Variants in ABCA13 observed in about 807,000 individuals in gnomAD.
ABCA13 encodes the protein ATP binding cassette subfamily A member 13.
In ABCA13, 476 loss-of-function variants were observed where a neutral mutation model predicts 478.7. The ratio of observed to expected loss-of-function variants is 0.99; its 90% CI spans 0.92 to 1.07. ABCA13 has a LOEUF of 1.07. Among genes scored for constraint, ABCA13 ranks in the 50% least tolerant of loss-of-function variants. ABCA13 has a pLI of 0.00. For synonymous variants in ABCA13, 2,252 were observed against 2,158.9 expected, an observed-to-expected ratio of 1.04 and a Z score of -1.20; for missense variants, 6,060 against 5,910.6, an observed-to-expected ratio of 1.03 and a Z score of -0.83.
chr7:48,383,149 T>A (rs969164178), intron 35 of ABCA13, among the ~76,000 whole-genome samples: 2 of 152,176 alleles, frequency 1.3e-5, no homozygotes, highest in African/African-American at 4.8e-5. Flanking sequence ...CAGGAAGGTG[T>A]CATTTCCCAA....
intron 13 of ABCA13, among the ~76,000 whole-genome samples, chr7:48,246,373 A>T (rs567508380): frequency 8.5e-5 from 13 of 152,312 alleles, no homozygotes; most frequent in South Asian, 6.2e-4. Flanking sequence ...AGTCAATCCC[A>T]GCAAAACTGT....
chr7:48,243,523 G>T (rs111313093), intron 10 of ABCA13, among the ~76,000 whole-genome samples: 2 of 152,204 alleles, frequency 1.3e-5, no homozygotes, highest in African/African-American at 4.8e-5. Context: ...CAATTGCTCC[G>T]CCTTGTAGGG....
chr7:48,587,275 A>T lies in ABCA13; in HGVS notation c.14627A>T (p.Asp4876Val). The change falls in exon 57 of 62, where the codon GAC (aspartate) becomes GTC (valine). Residue 4876 changes from aspartate to valine, a missense_variant. Transcript: ENST00000435803. ...STALALVGKP[D>V]ILLLDEPSSG... ...GCCCTGGCCCTGGTGGGGAAACCTG[A>T]CATTCTTTTATTGGTGAGTAGAAGA... 6.2e-7 allele frequency: 1 copy of T among 1,607,072 alleles called. No individual in the cohort carries two copies. Among genetic ancestry groups the T allele is most frequent in the South Asian group, 1.1e-5 (1 of 89,700 alleles).
At chr7:48,302,546 G>T (rs2163937) in intron 23 of ABCA13, among the ~76,000 whole-genome samples, 113,368 of 151,992 alleles carry the variant, frequency 0.75, 43,060 homozygotes, top group East Asian at 0.99. Flanking sequence ...CCTCTTTGTA[G>T]CCATGTGTTC....
At chr7:48,570,341 T>TTTG (rs1787500260) in intron 55 of ABCA13, among the ~76,000 whole-genome samples, 1 of 145,020 alleles carries the variant, frequency 6.9e-6, no homozygotes, top group South Asian at 2.2e-4. Flanking sequence ...TTTTTTTTTT[T>TTTG]TGAGATGGAG....
intron 59 of ABCA13, among the ~76,000 whole-genome samples, chr7:48,615,591 G>A (rs1463938017): frequency 7.5e-5 from 9 of 119,224 alleles, no homozygotes. Flanking sequence ...CTGTAAGGGA[G>A]ACATTTTGCT....
Position 48,486,336 on chromosome 7 carries a change from A to G in ABCA13, c.13183-2900A>G, listed in dbSNP as rs146721978. ...GGCCATGTCTTTCAACATTCTCTCA[A>G]GAGAGCTCCGTACCCAGGTCAAGAT... On this transcript the variant is annotated intron_variant, in intron 47 of 61. Coordinates refer to ENST00000435803, the MANE Select transcript of ABCA13 (RefSeq NM_152701.5). Among the ~76,000 whole-genome samples, 24 of 152,334 alleles carry G rather than the reference A, an allele frequency of 1.6e-4. No individual in the cohort carries two copies. In the East Asian group the frequency reaches 3.7e-3, roughly 23 times the overall value.
intron 47 of ABCA13, among the ~76,000 whole-genome samples, chr7:48,488,464 C>T (rs1829545232): frequency 6.6e-6 from 1 of 152,066 alleles, no homozygotes; most frequent in South Asian, 2.1e-4. Flanking sequence ...TCCCCCAAGC[C>T]TTAACTTGCT....
At chr7:48,464,146 T>A (rs1223753028) in intron 43 of ABCA13, among the ~76,000 whole-genome samples, 1 of 152,220 alleles carries the variant, frequency 6.6e-6, no homozygotes. Flanking sequence ...TAAGGACAGA[T>A]GTCAAATGTT....
intron 59 of ABCA13, among the ~76,000 whole-genome samples, chr7:48,637,678 T>C (rs1794784017): frequency 6.6e-6 from 1 of 152,154 alleles, no homozygotes; most frequent in South Asian, 2.1e-4. Context: ...GTGACAATGA[T>C]ATAATGCTGG....
chr7:48,558,199 C>T (rs1476213862), intron 55 of ABCA13, among the ~76,000 whole-genome samples: 7 of 135,586 alleles, frequency 5.2e-5, no homozygotes, highest in Admixed American at 2.3e-4. Context: ...TCCTTCCTCT[C>T]TCTCTCCCTT....
rs771097046 is a variant in ABCA13, at chr7:48,489,393, G to A, written c.13291+49G>A. 5 of 1,429,438 alleles carry A rather than the reference G, an allele frequency of 3.5e-6. No homozygotes were observed. In the African/African-American group the frequency reaches 5.7e-5, roughly 16 times the overall value. 88.5% of individuals were successfully genotyped at this position (1,429,438 alleles called of 1,614,324 possible). A position where few individuals can be genotyped will look rare whatever the true frequency, so the allele number is the denominator to read the frequency against. On this transcript the variant is annotated intron_variant, in intron 48 of 61. Transcript: ENST00000435803. ...TAATTCACTACTTTCAAAAGACAATGTTTTTAAAAGTGAAAGAAACAGAAA... is the reference window on the plus strand; with the variant it reads ...TAATTCACTACTTTCAAAAGACAATATTTTTAAAAGTGAAAGAAACAGAAA...
chr7:48,408,914 A>C (rs1461703866), intron 39 of ABCA13, among the ~76,000 whole-genome samples: 3 of 152,108 alleles, frequency 2.0e-5, no homozygotes, highest in Non-Finnish European at 4.4e-5. Flanking sequence ...CTCATCACTT[A>C]ACTCCCACTT....
In ABCA13 at chr7:48,278,278, A is replaced by C. The variant is rs533183743; in HGVS notation, c.7084A>C (p.Met2362Leu). 1.2e-6 allele frequency: 2 copies of C among 1,612,538 alleles called. No individual in the cohort carries two copies. Among genetic ancestry groups the C allele is most frequent in the East Asian group, 2.2e-5 (1 of 44,814 alleles). Residue 2362 changes from methionine (M) to leucine (L), a missense_variant, in exon 18 of 62, where the codon ATG (methionine) becomes CTG (leucine). Physicochemically the swap from Met to Leu is conservative, Grantham distance 15. Coordinates refer to ENST00000435803, the MANE Select transcript of ABCA13 (RefSeq NM_152701.5). ...YFDTHQGLKF[M>L]QDLFNALLRE... is the part of the protein sequence containing the mutation. ...TGATACTCATCAAGGACTGAAGTTC[A>C]TGCAAGATTTATTTAATGCCCTTCT...
intron 1 of ABCA13, among the ~76,000 whole-genome samples, chr7:48,185,343 G>A (rs967314629): frequency 5.3e-5 from 8 of 152,180 alleles, no homozygotes; most frequent in African/African-American, 1.9e-4. Context: ...GAAAGGACAA[G>A]TTATTTCAAC....
intron 8 of ABCA13, among the ~76,000 whole-genome samples, chr7:48,234,980 G>A (rs1789728915): frequency 6.6e-6 from 1 of 152,148 alleles, no homozygotes; most frequent in South Asian, 2.1e-4. Flanking sequence ...TTCCCAGATA[G>A]CACTTTTCAC....
intron 55 of ABCA13, among the ~76,000 whole-genome samples, chr7:48,560,700 A>G (rs1786366335): frequency 6.6e-6 from 1 of 152,236 alleles, no homozygotes; most frequent in Non-Finnish European, 1.5e-5. Context: ...CTTTTGTGTG[A>G]TAAGCATATT....
chr7:48,396,347 A>G (rs1021004135), intron 38 of ABCA13, among the ~76,000 whole-genome samples: 10 of 152,136 alleles, frequency 6.6e-5, no homozygotes, highest in Admixed American at 2.6e-4. Flanking sequence ...GAGGACTTTC[A>G]TTTGTTTAAC....
intron 17 of ABCA13, among the ~76,000 whole-genome samples, chr7:48,277,096 T>C (rs1796399490): frequency 6.6e-6 from 1 of 152,218 alleles, no homozygotes; most frequent in South Asian, 2.1e-4. Flanking sequence ...TTCCATGATG[T>C]CTGCTTTAGT....
Sources: gnomAD v4.1 joint callset for allele counts (sites outside exome capture counted in the v4.1 genomes callset) on GRCh38, gnomAD v4.1.1 for gene constraint, MANE v1.5 for transcripts, NCBI Gene and HGNC (gene_info 2026-07-23, HGNC 2026-07-21) for gene names.